KDR: variants seen among roughly 807,000 people sequenced by gnomAD.
The protein encoded by KDR is vascular endothelial growth factor receptor 2.
A neutral mutation model predicts 160.9 loss-of-function variants in KDR; 43 were observed. That is an observed-to-expected ratio of 0.27 (90% CI 0.21 to 0.34). The LOEUF (loss-of-function observed/expected upper bound fraction) is 0.34, where lower values mean the gene tolerates loss of function less well. Ranked by LOEUF, KDR falls within the 10% of genes least tolerant of loss-of-function variation. The pLI is 1.00. For missense variants in KDR, 1,469 were observed against 1,666.4 expected, an observed-to-expected ratio of 0.88 and a Z score of 2.06; for synonymous variants, 617 against 600.1, an observed-to-expected ratio of 1.03 and a Z score of -0.41.
rs746305227 is a variant in KDR at position 55,110,649 on chromosome 4, G to C, written c.1091+5C>G. The C allele has an allele frequency of 5.6e-6, 9 of 1,612,600 alleles. No homozygotes were observed. The highest frequency in any genetic ancestry group is 3.4e-6 in the Non-Finnish European group (4 of 1,178,858). On this transcript the variant is annotated splice_donor_5th_base_variant and intron_variant, in intron 8 of 29. Coordinates refer to ENST00000263923, the MANE Select transcript of KDR (RefSeq NM_002253.4). ...TGATGCTTTGCATTTATTTCCAGTA[G>C]TTACCATTTTATTTCTGGGGGTGGG... is the stretch of plus-strand genomic sequence containing the variant.
chr4:55,105,165 C>G (rs1394867002), intron 12 of KDR, among the ~76,000 whole-genome samples, 181 bp from the exon 13 acceptor site: 1 of 152,078 alleles, frequency 6.6e-6, no homozygotes, highest in Non-Finnish European at 1.5e-5. Flanking sequence ...CTTATTTGGC[C>G]AAACACATTA....
In KDR at chr4:55,121,091, C is replaced by A. The variant is rs774453303; in HGVS notation, c.161+6G>T. The A allele has an allele frequency of 1.3e-5, 21 of 1,583,140 alleles. No homozygotes were observed. The highest frequency in any genetic ancestry group is 1.1e-5 in the South Asian group (1 of 90,366). On this transcript the variant is annotated splice_donor_region_variant and intron_variant, in intron 2 of 29. Coordinates refer to ENST00000263923, the MANE Select transcript of KDR (RefSeq NM_002253.4). ...CAAGAAATCTAGATCTAGAATGAATCCTTACCTGCAAGTAATTTGAAGAGT... is the reference window on the plus strand; with the variant it reads ...CAAGAAATCTAGATCTAGAATGAATACTTACCTGCAAGTAATTTGAAGAGT...
chr4:55,098,596 G>T, intron 16 of KDR, 101 bp downstream of exon 16: 1 of 904,520 alleles, frequency 1.1e-6, no homozygotes, highest in South Asian at 1.4e-5. Flanking sequence ...TGTGCCCATT[G>T]AGCCAATAAC....
Position 55,080,071 on chromosome 4 carries a change from G to A in KDR, c.3941C>T (p.Thr1314Ile), listed in dbSNP as rs1719691971. 2 of 1,614,174 alleles carry A rather than the reference G, an allele frequency of 1.2e-6. No individual in the cohort carries two copies. The highest frequency in any genetic ancestry group is 1.7e-6 in the Non-Finnish European group (2 of 1,180,028). Residue 1314 changes from threonine (T) to isoleucine (I), a missense_variant, in exon 30 of 30, where the codon ACA (threonine) becomes ATA (isoleucine). Around this residue, in one of 7 missense-constraint regions of KDR, gnomAD observed 229 missense variants for 197.8 expected, o/e 1.16. Transcript: ENST00000263923. ...GYQSGYHSDD[T>I]DTTVYSSEEA... ...CTCACTGGAGTACACGGTGGTGTCTGTGTCATCGGAGTGATATCCGGACTG... is the reference window on the plus strand; with the variant it reads ...CTCACTGGAGTACACGGTGGTGTCTATGTCATCGGAGTGATATCCGGACTG...
intron 3 of KDR, among the ~76,000 whole-genome samples, chr4:55,115,927 A>C (rs192316006): frequency 6.6e-6 from 1 of 152,242 alleles, no homozygotes; most frequent in Admixed American, 6.5e-5. Context: ...GATTAACAGG[A>C]AACAGCTAAC....
At chr4:55,101,292 A>G (rs980389718) in intron 15 of KDR, among the ~76,000 whole-genome samples, 2 of 152,224 alleles carry the variant, frequency 1.3e-5, no homozygotes, top group African/African-American at 4.8e-5. Flanking sequence ...GAACTGCAGG[A>G]ATAGGAAATG....
rs751571220 is a variant in KDR, at chr4:55,118,737, C to T, written c.225G>A (p.Glu75=). ...NNQSGSEQRV[E]VTECSDGLFC... is the part of the protein sequence containing the mutation. ...AGAGGCCATCGCTGCACTCAGTCAC[C>T]TCCACCCTTTGCTCACTGCCACTCT... The change falls in exon 3 of 30, where the codon GAG becomes GAA. Residue 75 remains glutamate, a synonymous_variant. Transcript: ENST00000263923. 6.2e-7 allele frequency: 1 copy of T among 1,614,158 alleles called. No homozygotes were observed. Among genetic ancestry groups the T allele is most frequent in the South Asian group, 1.1e-5 (1 of 91,080 alleles).
In KDR at chr4:55,104,815, G is replaced by A. The variant is rs1401174414; in HGVS notation, c.1815C>T (p.Asn605=). Residue 605 remains asparagine (N), a synonymous_variant, in exon 13 of 30, where the codon AAC becomes AAT. Coordinates refer to ENST00000263923, the MANE Select transcript of KDR (RefSeq NM_002253.4). ...CATTCAATTTCCAAAGAGTATCCAA[G>A]TTCTTGCAAACAGGTGTGGGCAACT... ...VGELPTPVCK[N]LDTLWKLNAT... 4 of 1,613,858 alleles carry A rather than the reference G, an allele frequency of 2.5e-6. No individual in the cohort carries two copies. The highest frequency in any genetic ancestry group is 3.4e-6 in the Non-Finnish European group (4 of 1,179,920).
rs1720551367 is a variant in KDR, at chr4:55,110,528, A to G, written c.1130T>C (p.Ile377Thr). Reference protein sequence around the residue: ...NGIPLESNHTIKAGHVLTIME... With the variant: ...NGIPLESNHTTKAGHVLTIME... Reference sequence around the variant, plus strand: ...AATCGTCAGTACATGCCCCGCTTTAATTGTGTGATTGGACTCAAGGGGTAT... The same window carrying G: ...AATCGTCAGTACATGCCCCGCTTTAGTTGTGTGATTGGACTCAAGGGGTAT... The change falls in exon 9 of 30, where the codon ATT (isoleucine) becomes ACT (threonine). Residue 377 changes from isoleucine to threonine, a missense_variant. This residue lies in a region of KDR where 792 missense variants were observed against 840.9 expected (regional missense o/e 0.94). Coordinates refer to ENST00000263923, the MANE Select transcript of KDR (RefSeq NM_002253.4). 6.2e-7 allele frequency: 1 copy of G among 1,614,054 alleles called. No individual in the cohort carries two copies. The highest frequency in any genetic ancestry group is 1.3e-5 in the African/African-American group (1 of 75,034).
At chr4:55,100,129 G>C (rs889209554) in intron 15 of KDR, among the ~76,000 whole-genome samples, 1 of 152,238 alleles carries the variant, frequency 6.6e-6, no homozygotes, top group South Asian at 2.1e-4. Flanking sequence ...GAATCAAACC[G>C]GGCCACAAGC....
chr4:55,124,448 G>A (rs944614939), intron 1 of KDR, among the ~76,000 whole-genome samples: 27 of 152,136 alleles, frequency 1.8e-4, no homozygotes, highest in African/African-American at 5.8e-4. Context: ...ACTAAAGCTA[G>A]GTACCAAGGC....
chr4:55,114,023 CTT>C, intron 6 of KDR, 101 bp downstream of exon 6: 1 of 1,210,250 alleles, frequency 8.3e-7, no homozygotes, highest in Non-Finnish European at 1.2e-6. Flanking sequence ...GTTTAAGGCT[CTT>C]ACATTTTATC....
chr4:55,087,747 G>A lies in KDR; in HGVS notation c.3522C>T (p.Asp1174=). The part of the protein sequence containing the change: ...LQANAQQDGK[D]YIVLPISETL... ...TCTCTGATATCGGAAGAACAATGTA[G>A]TCTTTGCCATCCTGAAACAATAAAC... is the stretch of plus-strand genomic sequence containing the variant. The change falls in exon 27 of 30, where the codon GAC becomes GAT. Residue 1174 remains aspartate, a synonymous_variant. Coordinates refer to ENST00000263923, the MANE Select transcript of KDR (RefSeq NM_002253.4). 1.2e-6 allele frequency: 2 copies of A among 1,614,122 alleles called. No homozygotes were observed. The highest frequency in any genetic ancestry group is 1.7e-6 in the Non-Finnish European group (2 of 1,179,994).
intron 29 of KDR, among the ~76,000 whole-genome samples, chr4:55,080,740 C>A (rs1320624841): frequency 2.0e-5 from 3 of 152,212 alleles, no homozygotes; most frequent in Non-Finnish European, 2.9e-5. Context: ...ACCCCTGTCA[C>A]TCAGCAGCAA....
At position 55,102,428 on chromosome 4, in the gene KDR, C is replaced by T. The variant is rs199504669; in HGVS notation, c.2068G>A (p.Ala690Thr). 72 of 1,613,494 alleles carry T rather than the reference C, an allele frequency of 4.5e-5. No individual in the cohort carries two copies. Among genetic ancestry groups the T allele is most frequent in the Non-Finnish European group, 5.8e-5 (69 of 1,179,614 alleles). The stretch of plus-strand genomic sequence containing the variant: ...ATCTGTGGAGGGGGATTCCCAGATG[C>T]CGTGCATGAGACTTCGATGCTTTCC... ...IGESIEVSCT[A>T]SGNPPPQIMW... is the part of the protein sequence containing the mutation. The change falls in exon 14 of 30, where the codon GCA (alanine) becomes ACA (threonine). Residue 690 changes from alanine (A) to threonine (T), a missense_variant. By Grantham distance (58) the Ala-to-Thr change is moderately conservative (BLOSUM62 0). This residue lies in a region of KDR where 792 missense variants were observed against 840.9 expected (regional missense o/e 0.94). Coordinates refer to ENST00000263923, the MANE Select transcript of KDR (RefSeq NM_002253.4).
intron 2 of KDR, among the ~76,000 whole-genome samples, chr4:55,119,574 C>G (rs1414521332): frequency 6.6e-6 from 1 of 152,106 alleles, no homozygotes; most frequent in Non-Finnish European, 1.5e-5. Context: ...CTTGATAAAG[C>G]TAGCCATAGG....
intron 1 of KDR, chr4:55,123,009 G>C (rs374103417): frequency 6.6e-6 from 1 of 152,200 alleles, no homozygotes; most frequent in Non-Finnish European, 1.5e-5. Flanking sequence ...GGACTCAAGC[G>C]ATCCTCCTGC....
chr4:55,109,704 T>C (rs1720528661), intron 9 of KDR, among the ~76,000 whole-genome samples: 1 of 151,840 alleles, frequency 6.6e-6, no homozygotes, highest in African/African-American at 2.4e-5. Flanking sequence ...AGTCCTGCAA[T>C]AAAGAAACCT....
At chr4:55,080,794 T>C (rs1273332931) in intron 29 of KDR, among the ~76,000 whole-genome samples, 1 of 152,182 alleles carries the variant, frequency 6.6e-6, no homozygotes, top group East Asian at 1.9e-4. Flanking sequence ...CAGACGGTAA[T>C]CATGTCAAAG....
Sources: allele counts gnomAD v4.1 joint callset (sites outside exome capture counted in the v4.1 genomes callset), GRCh38; gene constraint gnomAD v4.1.1; regional missense constraint gnomAD v4.1.1; transcripts MANE v1.5; gene names NCBI Gene and HGNC (gene_info 2026-07-23, HGNC 2026-07-21).